The following SP100 variants were observed in gnomAD, a reference collection of about 807,000 sequenced individuals.
SP100 encodes nuclear autoantigen Sp-100.
A neutral mutation model predicts 130.0 loss-of-function variants in SP100; 84 were observed. The ratio of observed to expected loss-of-function variants is 0.65; its 90% CI spans 0.54 to 0.77. The LOEUF (loss-of-function observed/expected upper bound fraction) is 0.77, where lower values mean the gene tolerates loss of function less well. Among genes scored for constraint, SP100 ranks in the 30% least tolerant of loss-of-function variants. The probability of loss-of-function intolerance (pLI) is 0.00; values close to 1 mark genes in which losing one functional copy is unlikely to be tolerated. For synonymous variants in SP100, 331 were observed against 351.7 expected (o/e 0.94, Z 0.66); for missense variants, 978 against 1,052.2 (o/e 0.93, Z 0.97).
chr2:230,443,633 C>T (rs2063557631), intron 3 of SP100, among the ~76,000 whole-genome samples: 1 of 151,862 alleles, frequency 6.6e-6, no homozygotes, highest in African/African-American at 2.4e-5. Context: ...TTTTTCTTTC[C>T]TTTTTTTTGT....
intron 24 of SP100, among the ~76,000 whole-genome samples, chr2:230,526,048 G>C (rs1379227367): frequency 1.3e-5 from 2 of 152,198 alleles, no homozygotes; most frequent in Non-Finnish European, 2.9e-5. Flanking sequence ...CCTGAAGAGA[G>C]CAGTGGTTCT....
chr2:230,526,015 C>G (rs1370199579), intron 24 of SP100, among the ~76,000 whole-genome samples: 3 of 152,238 alleles, frequency 2.0e-5, no homozygotes, highest in African/African-American at 4.8e-5. Context: ...CTTCTGCAGA[C>G]TTAAACATCC....
At chr2:230,420,554 G>A (rs1002117095) in intron 2 of SP100, among the ~76,000 whole-genome samples, 2 of 152,016 alleles carry the variant, frequency 1.3e-5, no homozygotes, top group African/African-American at 2.4e-5. Context: ...GACATTTCCT[G>A]CTGGCTCTGG....
At chr2:230,482,212 A>C (rs1234044146) in intron 17 of SP100, among the ~76,000 whole-genome samples, 1 of 152,196 alleles carries the variant, frequency 6.6e-6, no homozygotes, top group East Asian at 1.9e-4. Context: ...GCCTAATCTC[A>C]GGTTACCAAG....
intron 28 of SP100, among the ~76,000 whole-genome samples, chr2:230,542,257 C>T (rs1692207935): frequency 2.0e-5 from 3 of 152,244 alleles, no homozygotes; most frequent in African/African-American, 7.2e-5. Flanking sequence ...TATATATAAC[C>T]TCAGAGTTGA....
intron 24 of SP100, among the ~76,000 whole-genome samples, chr2:230,536,349 G>A (rs1294173056): frequency 6.6e-6 from 1 of 152,094 alleles, no homozygotes; most frequent in Non-Finnish European, 1.5e-5. Context: ...ACAGAAAAGG[G>A]GCACTGAAAT....
In SP100 at chr2:230,545,135, A is replaced by G. The variant is rs552061015; in HGVS notation, c.*2189A>G. Among the ~76,000 whole-genome samples the G allele has an allele frequency of 4.5e-4, 68 of 152,324 alleles. No individual in the cohort carries two copies. The highest frequency in any genetic ancestry group is 1.6e-3 in the African/African-American group (65 of 41,574). On this transcript the variant is annotated 3_prime_UTR_variant, in exon 29 of 29. Coordinates refer to ENST00000340126, the MANE Select transcript of SP100 (RefSeq NM_001080391.2). ...CTACCATAAAGACACATGCATGCAA[A>G]TGTCCACTGCAGCACTATTCACAAT...
chr2:230,474,359 T>G (rs748893523), intron 16 of SP100, 35 bp from the exon 17 acceptor site: 2 of 1,184,390 alleles, frequency 1.7e-6, no homozygotes, highest in Non-Finnish European at 2.5e-6. Context: ...TACTTATAAA[T>G]TACAGTTCTC....
intron 23 of SP100, 91 bp downstream of exon 23, chr2:230,508,122 C>T (rs1378041074): frequency 6.5e-7 from 1 of 1,546,066 alleles, no homozygotes; most frequent in African/African-American, 1.4e-5. Context: ...ATTGACCCAT[C>T]ATCATAAAAT....
rs1692273213 is a variant in SP100, at chr2:230,545,112, A to G, written c.*2166A>G. ...TACCCAGAGGAATATAAATCATTCT[A>G]CCATAAAGACACATGCATGCAAATG... On this transcript the variant is annotated 3_prime_UTR_variant, in exon 29 of 29. Transcript: ENST00000340126. Among the ~76,000 whole-genome samples, 1 of 152,244 alleles carries G rather than the reference A, an allele frequency of 6.6e-6. No individual in the cohort carries two copies. The highest frequency in any genetic ancestry group is 2.4e-5 in the African/African-American group (1 of 41,460).
At chr2:230,515,260 C>T (rs1690844816) in intron 24 of SP100, 2 of 1,612,590 alleles carry the variant, frequency 1.2e-6, no homozygotes, top group South Asian at 1.1e-5. Flanking sequence ...AACCTATATC[C>T]CTCCTAAAGG....
chr2:230,468,095 G>A lies in SP100; in HGVS notation c.1291+880G>A, dbSNP rs532389904. Among the ~76,000 whole-genome samples the A allele has an allele frequency of 3.3e-5, 5 of 152,284 alleles. No individual in the cohort carries two copies. The South Asian group carries it at 1.0e-3, about 32-fold the overall frequency. On this transcript the variant is annotated intron_variant, in intron 13 of 28. Transcript: ENST00000340126. The stretch of plus-strand genomic sequence containing the variant: ...CTTTACAACAACCTAAAAGGTGGGT[G>A]AGATAACTATTGTTCCCCCCATTTG...
chr2:230,470,361 TTC>T (rs2065204459), intron 15 of SP100: 2 of 1,113,466 alleles, frequency 1.8e-6, no homozygotes, highest in Admixed American at 4.7e-5. Flanking sequence ...ATTTGTGGTA[TTC>T]TTTTTTTTAA....
chr2:230,528,820 A>C (rs1691558219), intron 24 of SP100, among the ~76,000 whole-genome samples: 2 of 152,266 alleles, frequency 1.3e-5, no homozygotes, highest in Non-Finnish European at 2.9e-5. Flanking sequence ...ATAAACTAGA[A>C]TATCTAGAAG....
At chr2:230,499,967 TACCA>T (rs2066926270) in intron 19 of SP100, among the ~76,000 whole-genome samples, 1 of 152,090 alleles carries the variant, frequency 6.6e-6, no homozygotes, top group South Asian at 2.1e-4. Context: ...CCCAATCCCC[TACCA>T]TGTTCTTTGC....
chr2:230,461,302 T>C lies in SP100; in HGVS notation c.861T>C (p.Asn287=). The C allele has an allele frequency of 6.2e-7, 1 of 1,614,134 alleles. No homozygotes were observed. The highest frequency in any genetic ancestry group is 8.5e-7 in the Non-Finnish European group (1 of 1,179,980). ...AELHNHGIQI[N]SCSVRLVDIK... is the part of the protein sequence containing the mutation. ...TACACAACCATGGAATCCAAATTAA[T>C]TCCTGTTCTGTGCGACTGGTGGATA... The change falls in exon 9 of 29, where the codon AAT becomes AAC. Residue 287 remains asparagine (N), a synonymous_variant. Transcript: ENST00000340126.
At position 230,470,115 on chromosome 2, in the gene SP100, T is replaced by C. The variant is rs762980180; in HGVS notation, c.1429+17T>C. 7 of 1,596,684 alleles carry C rather than the reference T, an allele frequency of 4.4e-6. No homozygotes were observed. The East Asian group carries it at 6.8e-5, about 16-fold the overall frequency. On this transcript the variant is annotated intron_variant, in intron 15 of 28. Transcript: ENST00000340126. ...GAGGGTCAGGTAAAGAAGATTAGGA[T>C]GCCAAGACTTGGCCTGCAGAATGTC...
At chr2:230,488,732 G>C (rs13000927) in intron 17 of SP100, among the ~76,000 whole-genome samples, 33,247 of 152,068 alleles carry the variant, frequency 0.22, 4,679 homozygotes, top group African/African-American at 0.4. Flanking sequence ...TAACATGAAG[G>C]GATGTTGAAT....
chr2:230,490,675 C>T (rs2066344610), intron 17 of SP100, among the ~76,000 whole-genome samples: 1 of 152,186 alleles, frequency 6.6e-6, no homozygotes, highest in Non-Finnish European at 1.5e-5. Context: ...TCTTGCAAGG[C>T]AGGCCTAGTA....
Sources: gnomAD v4.1 joint callset for allele counts (sites outside exome capture counted in the v4.1 genomes callset) on GRCh38, gnomAD v4.1.1 for gene constraint, MANE v1.5 for transcripts, NCBI Gene and HGNC (gene_info 2026-07-23, HGNC 2026-07-21) for gene names.